Variants in AFAP1L2 observed in about 807,000 individuals in gnomAD.
AFAP1L2 encodes the protein actin filament associated protein 1 like 2.
AFAP1L2 carries 46 observed loss-of-function variants against 99.3 expected under a neutral mutation model. That is an observed-to-expected ratio of 0.46 (90% confidence interval 0.37 to 0.59). The LOEUF is 0.59. Ranked by LOEUF, AFAP1L2 falls within the 20% of genes least tolerant of loss-of-function variation. The pLI is 0.00. For missense variants in AFAP1L2, 959 were observed against 1,034.9 expected (o/e 0.93, Z 1.01); for synonymous variants, 397 against 419.1 (o/e 0.95, Z 0.64).
chr10:114,292,885 T>C (rs931750190), downstream of AFAP1L2, among the ~76,000 whole-genome samples: 12 of 152,084 alleles, frequency 7.9e-5, no homozygotes, highest in African/African-American at 2.7e-4. Flanking sequence ...TTTGTATTTT[T>C]AGTTAGAGAC....
chr10:114,293,023 T>C (rs2039746095), downstream of AFAP1L2, among the ~76,000 whole-genome samples: 1 of 152,206 alleles, frequency 6.6e-6, no homozygotes, highest in South Asian at 2.1e-4. Context: ...TCTTTATAAA[T>C]ATTGTAACAT....
chr10:114,327,147 T>TTATTTTTATATATA (rs1554902752), intron 4 of AFAP1L2, among the ~76,000 whole-genome samples: 1 of 54,536 alleles, frequency 1.8e-5, no homozygotes, highest in Non-Finnish European at 4.9e-5. Flanking sequence ...TTATATATAT[T>TTATTTTTATATATA]TATATATATA....
chr10:114,398,995 T>C, intron 1 of AFAP1L2: 1 of 1,104,842 alleles, frequency 9.1e-7, no homozygotes. Flanking sequence ...GCCTTTGAGA[T>C]TTTGCTTCAT....
Position 114,324,497 on chromosome 10 carries a change from C to T in AFAP1L2, c.316-1236G>A, listed in dbSNP as rs111329673. Reference sequence around the variant, plus strand: ...AAACTCCTGACCTCAACTGACTGCCCGCCTTGGCCTCCCAAATTGTTGGGA... The same window carrying T: ...AAACTCCTGACCTCAACTGACTGCCTGCCTTGGCCTCCCAAATTGTTGGGA... On this transcript the variant is annotated intron_variant, in intron 4 of 18. Coordinates refer to ENST00000304129, the MANE Select transcript of AFAP1L2 (RefSeq NM_001001936.3). Among the ~76,000 whole-genome samples, 25 of 152,234 alleles carry T rather than the reference C, an allele frequency of 1.6e-4. 1 individual carries two copies. The highest frequency in any genetic ancestry group is 6.0e-4 in the African/African-American group (25 of 41,516).
At chr10:114,332,061 G>T (rs2047318408) in intron 3 of AFAP1L2, among the ~76,000 whole-genome samples, 164 bp from the exon 4 acceptor site, 1 of 152,124 alleles carries the variant, frequency 6.6e-6, no homozygotes, top group Non-Finnish European at 1.5e-5. Flanking sequence ...TTTCCTCCCT[G>T]CAGTAATAGG....
chr10:114,396,381 C>T (rs1164264277), intron 1 of AFAP1L2, among the ~76,000 whole-genome samples: 1 of 152,196 alleles, frequency 6.6e-6, no homozygotes, highest in African/African-American at 2.4e-5. Flanking sequence ...ATACTTCTTC[C>T]TTCTTGGGGA....
intron 1 of AFAP1L2, among the ~76,000 whole-genome samples, chr10:114,392,596 C>T (rs1218270446): frequency 6.6e-6 from 1 of 152,206 alleles, no homozygotes; most frequent in East Asian, 1.9e-4. Flanking sequence ...AGTGACACCA[C>T]AGAATCTTAT....
the AFAP1L2 span, chr10:114,289,460 A>G: frequency 6.2e-7 from 1 of 1,614,220 alleles, no homozygotes. Context: ...CGGTACCACC[A>G]GGACGTGCTC....
At chr10:114,319,663 G>T in intron 5 of AFAP1L2, 1 of 1,283,552 alleles carries the variant, frequency 7.8e-7, no homozygotes, top group South Asian at 1.2e-5. Context: ...ACATCCAGGA[G>T]CACAGACAGA....
At chr10:114,373,000 A>G (rs1179490224) in intron 1 of AFAP1L2, among the ~76,000 whole-genome samples, 6 of 152,222 alleles carry the variant, frequency 3.9e-5, no homozygotes, top group Admixed American at 2.0e-4. Context: ...GATGCAATGT[A>G]TGTTTTAAAA....
chr10:114,331,765 C>A, intron 4 of AFAP1L2, 38 bp downstream of exon 4: 1 of 1,296,812 alleles, frequency 7.7e-7, no homozygotes, highest in Non-Finnish European at 9.9e-7. Flanking sequence ...TCAAGGGGCT[C>A]ACGTCAGGGA....
chr10:114,389,046 A>C (rs1229007288), intron 1 of AFAP1L2, among the ~76,000 whole-genome samples: 1 of 152,174 alleles, frequency 6.6e-6, no homozygotes, highest in Non-Finnish European at 1.5e-5. Flanking sequence ...GTTCCGGAAG[A>C]CTTAAGCTTT....
intron 1 of AFAP1L2, chr10:114,363,319 T>A (rs1278695534): frequency 1.1e-5 from 4 of 371,984 alleles, no homozygotes; most frequent in African/African-American, 6.6e-5. Flanking sequence ...GAGGCAGCGT[T>A]TCACTGGCCC....
At position 114,404,481 on chromosome 10, in the gene AFAP1L2, G is replaced by C. The variant is rs776308362; in HGVS notation, c.-26C>G. The C allele has an allele frequency of 1.3e-4, 201 of 1,535,118 alleles. No individual in the cohort carries two copies. The highest frequency in any genetic ancestry group is 1.2e-3 in the Middle Eastern group (7 of 5,862). On this transcript the variant is annotated 5_prime_UTR_variant, in exon 1 of 19. Transcript: ENST00000304129. ...CGGGGCCACGGAGTGCGCTCCTCGC[G>C]GCTCGGCTTCTGCGCTGCTCTCCCG...
In AFAP1L2 at chr10:114,300,206, C is replaced by T. The variant is rs774263438; in HGVS notation, c.1945G>A (p.Val649Met). 39 of 1,614,084 alleles carry T rather than the reference C, an allele frequency of 2.4e-5. No homozygotes were observed. Among genetic ancestry groups the T allele is most frequent in the East Asian group, 8.9e-5 (4 of 44,892 alleles). Residue 649 changes from valine (V) to methionine (M), a missense_variant, in exon 15 of 19, where the codon GTG (valine) becomes ATG (methionine). Val to Met is a conservative substitution (Grantham distance 21, BLOSUM62 1). Coordinates refer to ENST00000304129, the MANE Select transcript of AFAP1L2 (RefSeq NM_001001936.3). The stretch of plus-strand genomic sequence containing the variant: ...CAAGCACAAGTACCTGCACTGGTCA[C>T]GCGCAACCTGTCCTTCACAGGTGGG... ...ASPPVKDRLR[V>M]TSAEIKLGKN... is the part of the protein sequence containing the mutation.
At chr10:114,338,153 C>T (rs770703144) in intron 2 of AFAP1L2, among the ~76,000 whole-genome samples, 1 of 152,178 alleles carries the variant, frequency 6.6e-6, no homozygotes, top group Non-Finnish European at 1.5e-5. Flanking sequence ...AGAATAGAAA[C>T]TAGTTCCACA....
In AFAP1L2 at chr10:114,297,070, C is replaced by T; in HGVS notation, c.2338G>A (p.Asp780Asn). 1 of 1,614,142 alleles carries T rather than the reference C, an allele frequency of 6.2e-7. No individual in the cohort carries two copies. The highest frequency in any genetic ancestry group is 8.5e-7 in the Non-Finnish European group (1 of 1,180,020). ...GTTGCAGAGTTGACTGGGGTACAGT[C>T]TGGGGCAGAGGCAGGTGTGACAGCT... ...PKAVTPASAP[D>N]CTPVNSATTL... Residue 780 changes from aspartate to asparagine, a missense_variant, in exon 18 of 19, where the codon GAC becomes AAC. By Grantham distance (23) the Asp-to-Asn change is conservative. This residue lies in a region of AFAP1L2 where 576 missense variants were observed against 562.1 expected (regional missense o/e 1.02). Coordinates refer to ENST00000304129, the MANE Select transcript of AFAP1L2 (RefSeq NM_001001936.3).
At chr10:114,383,427 A>G (rs2055999221) in intron 1 of AFAP1L2, among the ~76,000 whole-genome samples, 1 of 152,172 alleles carries the variant, frequency 6.6e-6, no homozygotes. Flanking sequence ...CTTTTTTATT[A>G]TCGCAGAGAG....
At chr10:114,301,202 C>CA (rs2041120045) in intron 13 of AFAP1L2, 152 bp downstream of exon 13, 1 of 639,488 alleles carries the variant, frequency 1.6e-6, no homozygotes, top group African/African-American at 1.8e-5. Flanking sequence ...AGCCTTGTTG[C>CA]ACTTAGGTGT....
Sources: allele counts gnomAD v4.1 joint callset (sites outside exome capture counted in the v4.1 genomes callset), GRCh38; gene constraint gnomAD v4.1.1; regional missense constraint gnomAD v4.1.1; transcripts MANE v1.5; gene names NCBI Gene and HGNC (gene_info 2026-07-23, HGNC 2026-07-21).